IGF2BP3: variants seen among roughly 807,000 people sequenced by gnomAD.
The protein encoded by IGF2BP3 is insulin like growth factor 2 mRNA binding protein 3, also known as insulin-like growth factor 2 mRNA-binding protein 3.
A neutral mutation model predicts 73.8 loss-of-function variants in IGF2BP3; 9 were observed. That is an observed-to-expected ratio of 0.12 (90% confidence interval 0.07 to 0.21). The LOEUF (loss-of-function observed/expected upper bound fraction) is 0.21. Among genes scored for constraint, IGF2BP3 ranks in the 10% least tolerant of loss-of-function variants. IGF2BP3 has a pLI of 1.00. For missense variants in IGF2BP3, 542 were observed against 714.0 expected, an observed-to-expected ratio of 0.76 and a Z score of 2.75; for synonymous variants, 258 against 256.7, an observed-to-expected ratio of 1.01 and a Z score of -0.05.
intron 2 of IGF2BP3, among the ~76,000 whole-genome samples, chr7:23,435,292 CAAAAAAAAAAAAAAAAAAAAA>C (rs35846648): frequency 2.1e-5 from 1 of 47,944 alleles, no homozygotes; most frequent in Non-Finnish European, 3.6e-5. Flanking sequence ...GACTCTGTCT[CAAAAAAAAAAAAAAAAAAAAA>C]AAAAAAAATC....
At chr7:23,414,734 G>C (rs1476506699) in intron 3 of IGF2BP3, 1 of 158,970 alleles carries the variant, frequency 6.3e-6, no homozygotes, top group Non-Finnish European at 1.4e-5. Context: ...TCTGCCAATA[G>C]AAGGCACCAG....
intron 5 of IGF2BP3, among the ~76,000 whole-genome samples, chr7:23,355,096 G>A (rs1254339140): frequency 1.3e-5 from 2 of 152,112 alleles, no homozygotes; most frequent in East Asian, 3.8e-4. Flanking sequence ...CAAACCCACC[G>A]TAGATGCAAG....
chr7:23,374,797 G>A (rs374206098), intron 3 of IGF2BP3, among the ~76,000 whole-genome samples: 54 of 151,882 alleles, frequency 3.6e-4, no homozygotes, highest in African/African-American at 1.2e-3. Context: ...CCTAAGTGTC[G>A]GCCGGTCTGA....
intron 3 of IGF2BP3, among the ~76,000 whole-genome samples, chr7:23,373,346 C>T (rs1326082750): frequency 1.3e-5 from 2 of 152,164 alleles, no homozygotes; most frequent in African/African-American, 2.4e-5. Context: ...TAGAAGAAAC[C>T]ACTGTCGCTT....
intron 10 of IGF2BP3, among the ~76,000 whole-genome samples, chr7:23,333,576 A>T (rs924709608): frequency 6.6e-6 from 1 of 152,232 alleles, no homozygotes; most frequent in Non-Finnish European, 1.5e-5. Flanking sequence ...GCTTTGGAAA[A>T]GGAATAGTGG....
At chr7:23,381,121 C>A (rs988845952) in intron 3 of IGF2BP3, among the ~76,000 whole-genome samples, 1 of 152,214 alleles carries the variant, frequency 6.6e-6, no homozygotes, top group African/African-American at 2.4e-5. Flanking sequence ...GACTCCCACA[C>A]AGCAATGGAG....
chr7:23,470,062 C>G lies in IGF2BP3; in HGVS notation c.49G>C (p.Asp17His). The G allele has an allele frequency of 6.2e-7, 1 of 1,610,788 alleles. No individual in the cohort carries two copies. Among genetic ancestry groups the G allele is most frequent in the Non-Finnish European group, 8.5e-7 (1 of 1,179,236 alleles). The change falls in exon 1 of 15, where the codon GAC becomes CAC. Residue 17 changes from aspartate to histidine, a missense_variant. Asp to His is a moderately conservative substitution (Grantham distance 81). Coordinates refer to ENST00000258729, the MANE Select transcript of IGF2BP3 (RefSeq NM_006547.3). ...GNLSENAAPSDLESIFKDAKI... is the reference protein window; with the variant it reads ...GNLSENAAPSHLESIFKDAKI... ...GCGTCCTTGAAGATACTTTCTAGGT[C>G]CGAGGGGGCGGCGTTCTCGCTGAGG...
chr7:23,319,055 A>T, intron 11 of IGF2BP3, 83 bp downstream of exon 11: 1 of 899,848 alleles, frequency 1.1e-6, no homozygotes, highest in East Asian at 2.4e-5. Context: ...TTTACATTCT[A>T]TTCAAATTAT....
chr7:23,419,566 C>T (rs1406606332), intron 2 of IGF2BP3, among the ~76,000 whole-genome samples: 2 of 152,132 alleles, frequency 1.3e-5, no homozygotes, highest in Non-Finnish European at 2.9e-5. Context: ...TTAAAACATC[C>T]TGAGGCCAGG....
chr7:23,327,686 C>T lies in IGF2BP3; in HGVS notation c.1204-8432G>A, dbSNP rs73088149. On this transcript the variant is annotated intron_variant, in intron 10 of 14. Coordinates refer to ENST00000258729, the MANE Select transcript of IGF2BP3 (RefSeq NM_006547.3). ...AAAATTTTAAGCCGTTTTCAAAAAT[C>T]AGCCAAAGAAAACAGTAACACTGGG... Among the ~76,000 whole-genome samples the T allele has an allele frequency of 3.9e-3, 591 of 152,250 alleles. 1 individual carries two copies. The highest frequency in any genetic ancestry group is 5.4e-3 in the Non-Finnish European group (370 of 68,004).
At chr7:23,340,050 G>C (rs1365906723) in intron 10 of IGF2BP3, among the ~76,000 whole-genome samples, 1 of 152,102 alleles carries the variant, frequency 6.6e-6, no homozygotes, top group African/African-American at 2.4e-5. Flanking sequence ...TTATTATACA[G>C]GTGAGAAAAC....
Position 23,326,789 on chromosome 7 carries a change from T to A in IGF2BP3, c.1204-7535A>T, listed in dbSNP as rs989284315. On this transcript the variant is annotated intron_variant, in intron 10 of 14. Transcript: ENST00000258729. ...GTAGGGACATGGATGAAATTGGAAA[T>A]CATCATTCTCAGTAAACTATCGCAA... Among the ~76,000 whole-genome samples the A allele has an allele frequency of 1.7e-4, 24 of 142,264 alleles. 1 individual carries two copies. The highest frequency in any genetic ancestry group is 5.5e-4 in the African/African-American group (21 of 38,104). The allele number at this position is 142,264 out of a possible 152,430, so 93.3% of individuals were successfully genotyped here.
At chr7:23,400,797 C>T (rs56259943) in intron 3 of IGF2BP3, among the ~76,000 whole-genome samples, 6,128 of 152,210 alleles carry the variant, frequency 0.04, 168 homozygotes, top group Non-Finnish European at 0.067. Context: ...ATTTAAGATG[C>T]TGTCAAAACC....
Position 23,317,669 on chromosome 7 carries a change from A to G in IGF2BP3, c.1365T>C (p.Ile455=). 8.1e-6 allele frequency: 13 copies of G among 1,614,086 alleles called. No homozygotes were observed. Among genetic ancestry groups the G allele is most frequent in the Non-Finnish European group, 1.1e-5 (13 of 1,179,922 alleles). The change falls in exon 12 of 15, where the codon ATT becomes ATC. Residue 455 remains isoleucine (I), a synonymous_variant. Coordinates refer to ENST00000258729, the MANE Select transcript of IGF2BP3 (RefSeq NM_006547.3). ...ACTGAGCCTCTGGTGGTCCAGTGAT[A>G]ATCACCATCCTCACTTTAGCATCTG... The part of the protein sequence containing the change: ...EAPDAKVRMV[I]ITGPPEAQFK...
chr7:23,346,295 A>G (rs1784826407), intron 7 of IGF2BP3: 1 of 432,628 alleles, frequency 2.3e-6, no homozygotes, highest in Non-Finnish European at 4.1e-6. Context: ...TCACTTCAGG[A>G]AATATCTTCA....
At chr7:23,326,659 A>AACC (rs1784305246) in intron 10 of IGF2BP3, among the ~76,000 whole-genome samples, 1 of 148,718 alleles carries the variant, frequency 6.7e-6, no homozygotes, top group Non-Finnish European at 1.5e-5. Flanking sequence ...AAAGACTTGG[A>AACC]ACCAACCCAA....
rs748073146 is a variant in IGF2BP3 at position 23,319,249 on chromosome 7, T to G, written c.1209A>C (p.Ser403=). The part of the protein sequence containing the change: ...MTPPYPQFEQ[S]ETETVHLFIP... The stretch of plus-strand genomic sequence containing the variant: ...TAAACAGATGAACAGTCTCCGTTTC[T>G]GATTGCTGTTAGAAAAGAAAGCCAG... The change falls in exon 11 of 15, where the codon TCA becomes TCC. Residue 403 remains serine, a synonymous_variant. Coordinates refer to ENST00000258729, the MANE Select transcript of IGF2BP3 (RefSeq NM_006547.3). 1.9e-6 allele frequency: 3 copies of G among 1,601,794 alleles called. No homozygotes were observed. The highest frequency in any genetic ancestry group is 2.6e-6 in the Non-Finnish European group (3 of 1,173,952).
intron 2 of IGF2BP3, among the ~76,000 whole-genome samples, chr7:23,456,745 C>CA (rs1272592274): frequency 2.8e-4 from 42 of 152,138 alleles, no homozygotes; most frequent in African/African-American, 9.4e-4. Flanking sequence ...CTAATTATGT[C>CA]AACATAAGAA....
chr7:23,320,017 T>C (rs1349035773), intron 10 of IGF2BP3, among the ~76,000 whole-genome samples: 1 of 151,526 alleles, frequency 6.6e-6, no homozygotes, highest in Non-Finnish European at 1.5e-5. Context: ...TTCAAGCTAC[T>C]CTCCTGCCTC....
Sources: allele counts gnomAD v4.1 joint callset (sites outside exome capture counted in the v4.1 genomes callset), GRCh38; gene constraint gnomAD v4.1.1; transcripts MANE v1.5; gene names NCBI Gene and HGNC (gene_info 2026-07-23, HGNC 2026-07-21).